Variants in TMEM87A observed in about 807,000 individuals in gnomAD.
TMEM87A encodes transmembrane protein 87A.
TMEM87A carries 50 observed loss-of-function variants against 90.0 expected under a neutral mutation model. That is an observed-to-expected ratio of 0.56 (90% confidence interval 0.44 to 0.70). TMEM87A has a LOEUF of 0.70. Ranked by LOEUF, TMEM87A falls within the 30% of genes least tolerant of loss-of-function variation. The pLI, the probability that TMEM87A is intolerant of heterozygous loss-of-function variation, is 0.00. For missense variants in TMEM87A, 577 were observed against 660.5 expected (o/e 0.87, Z 1.39); for synonymous variants, 226 against 226.7 (o/e 1.00, Z 0.03).
Position 42,249,289 on chromosome 15 carries a change from T to G in TMEM87A, c.505-5122A>C, listed in dbSNP as rs185132899. Among the ~76,000 whole-genome samples the G allele has an allele frequency of 5.6e-4, 86 of 152,348 alleles. No individual in the cohort carries two copies. In the East Asian group the frequency reaches 0.015, roughly 27 times the overall value. On this transcript the variant is annotated intron_variant, in intron 6 of 19. Coordinates refer to ENST00000389834, the MANE Select transcript of TMEM87A (RefSeq NM_015497.5). The stretch of plus-strand genomic sequence containing the variant: ...TTTGTGTCTCTATGTCCATCAGTTC[T>G]GCTCTCATCTTAGTTATTTCTTGTC...
intron 11 of TMEM87A, 54 bp downstream of exon 11, chr15:42,233,159 A>T: frequency 1.4e-6 from 2 of 1,454,608 alleles, no homozygotes; most frequent in South Asian, 1.2e-5. Flanking sequence ...CACTGTCAAG[A>T]TGTAAACAAT....
intron 7 of TMEM87A, among the ~76,000 whole-genome samples, chr15:42,242,299 G>A (rs2050886937): frequency 6.6e-6 from 1 of 152,036 alleles, no homozygotes; most frequent in Non-Finnish European, 1.5e-5. Flanking sequence ...GGTAGTACAT[G>A]GGATCATTGA....
intron 1 of TMEM87A, among the ~76,000 whole-genome samples, chr15:42,272,510 C>T (rs896462457): frequency 1.3e-5 from 2 of 152,290 alleles, no homozygotes; most frequent in Middle Eastern, 3.4e-3. Flanking sequence ...AACAAAAAGG[C>T]CAACGTAGGT....
chr15:42,266,479 G>A (rs2051407278), intron 3 of TMEM87A, among the ~76,000 whole-genome samples: 1 of 150,144 alleles, frequency 6.7e-6, no homozygotes, highest in Non-Finnish European at 1.5e-5. Flanking sequence ...TCGCGCCACT[G>A]CACTCCAGCC....
Position 42,264,123 on chromosome 15 carries a change from C to T in TMEM87A, c.372G>A (p.Leu124=), listed in dbSNP as rs759073940. ...TAAAGAGTTCACTGCAGTTCTGGAA[C>T]AATTTTGATGATGTTTGATATTTCC... ...LSGKYQTSSK[L]FQNCSELFKT... is the part of the protein sequence containing the mutation. Residue 124 remains leucine (L), a synonymous_variant, in exon 4 of 20, where the codon TTG becomes TTA. Transcript: ENST00000389834. 11 of 1,613,622 alleles carry T rather than the reference C, an allele frequency of 6.8e-6. No individual in the cohort carries two copies. The South Asian group carries it at 7.7e-5, about 11-fold the overall frequency.
intron 2 of TMEM87A, among the ~76,000 whole-genome samples, chr15:42,270,527 T>C (rs529794791): frequency 9.3e-5 from 14 of 150,938 alleles, no homozygotes; most frequent in South Asian, 6.3e-4. Context: ...ACCTGGGAGG[T>C]GGAGGTTGCA....
At position 42,267,929 on chromosome 15, in the gene TMEM87A, T is replaced by C. The variant is rs2051437757; in HGVS notation, c.291+18A>G. ...ATCACTAAGGTCCAAAAAAACTCTG[T>C]AATTTTATGTTCCTTACCTTGAAGT... On this transcript the variant is annotated intron_variant, in intron 3 of 19. Coordinates refer to ENST00000389834, the MANE Select transcript of TMEM87A (RefSeq NM_015497.5). 2 of 1,597,718 alleles carry C rather than the reference T, an allele frequency of 1.3e-6. No individual in the cohort carries two copies. The highest frequency in any genetic ancestry group is 2.2e-5 in the South Asian group (2 of 89,002).
chr15:42,271,987 TA>T, intron 2 of TMEM87A, 75 bp downstream of exon 2: 1 of 1,205,994 alleles, frequency 8.3e-7, no homozygotes, highest in South Asian at 1.4e-5. Flanking sequence ...TCAGAACTTA[TA>T]AAATAGGTAA....
intron 10 of TMEM87A, among the ~76,000 whole-genome samples, chr15:42,234,141 A>G (rs1335704163): frequency 6.6e-6 from 1 of 152,204 alleles, no homozygotes; most frequent in African/African-American, 2.4e-5. Context: ...AAAAATTCTA[A>G]CGATTCCTTA....
chr15:42,237,681 G>A, intron 8 of TMEM87A, 66 bp from the exon 9 acceptor site: 3 of 1,222,102 alleles, frequency 2.5e-6, no homozygotes, highest in South Asian at 4.0e-5. Flanking sequence ...TGTAGATTTA[G>A]AATCAATATA....
Position 42,211,346 on chromosome 15 carries a change from G to A in TMEM87A, c.*362C>T, listed in dbSNP as rs189578346. On this transcript the variant is annotated 3_prime_UTR_variant, in exon 20 of 20. Transcript: ENST00000389834. ...CCTGGAGATTACATATTATGGTGTT[G>A]ATGACAATCTTTTAGAAGACGTTAA... The A allele has an allele frequency of 5.6e-6, 1 of 177,970 alleles. No individual in the cohort carries two copies. Among genetic ancestry groups the A allele is most frequent in the Non-Finnish European group, 1.2e-5 (1 of 84,100 alleles). The allele number at this position is 177,970 out of a possible 1,614,324, so 11.0% of individuals were successfully genotyped here.
intron 19 of TMEM87A, among the ~76,000 whole-genome samples, chr15:42,211,997 G>A (rs1348649217): frequency 2.7e-5 from 4 of 148,828 alleles, no homozygotes; most frequent in Non-Finnish European, 4.4e-5. Flanking sequence ...GAAATGTATA[G>A]AGTCAGCTAA....
intron 15 of TMEM87A, among the ~76,000 whole-genome samples, chr15:42,225,704 G>A (rs1245036742): frequency 1.3e-5 from 2 of 152,210 alleles, no homozygotes; most frequent in Middle Eastern, 3.4e-3. Context: ...GTTAATTTTT[G>A]TATTTTTAGT....
At chr15:42,240,872 C>A (rs1388734058) in intron 7 of TMEM87A, among the ~76,000 whole-genome samples, 1 of 152,186 alleles carries the variant, frequency 6.6e-6, no homozygotes, top group African/African-American at 2.4e-5. Flanking sequence ...TAAATCTATA[C>A]CTTCCTAATT....
intron 15 of TMEM87A, among the ~76,000 whole-genome samples, chr15:42,226,309 G>C (rs2050591461): frequency 6.7e-6 from 1 of 148,526 alleles, no homozygotes; most frequent in Admixed American, 6.6e-5. Context: ...CCCTGTGTCG[G>C]TATTTTTTTT....
In TMEM87A at chr15:42,268,105, T is replaced by C. The variant is rs191355939; in HGVS notation, c.206-73A>G. On this transcript the variant is annotated intron_variant, in intron 2 of 19. Coordinates refer to ENST00000389834, the MANE Select transcript of TMEM87A (RefSeq NM_015497.5). ...GCATTTTTCCTAAGCTGTTAACCTA[T>C]ATCCTATTCATTTCGTACCCTAAAC... The C allele has an allele frequency of 3.8e-6, 5 of 1,299,226 alleles. No homozygotes were observed. In the Admixed American group the frequency reaches 7.3e-5, roughly 19 times the overall value. 80.5% of individuals were successfully genotyped at this position (1,299,226 alleles called of 1,614,324 possible).
At position 42,226,828 on chromosome 15, in the gene TMEM87A, G is replaced by A. The variant is rs1220953704; in HGVS notation, c.1381C>T (p.Arg461Ter). ...MILFVIMVLWRPSANNQRFAF... is the reference protein window; with the variant it reads ...MILFVIMVLW ...AACCTCTGGTTGTTTGCAGATGGTC[G>A]CCAGAGAACCATGATGACAAAGAGG... Residue 461 changes from arginine to a stop codon, truncating the protein, a stop_gained, in exon 15 of 20, where the codon CGA (arginine) becomes TGA (stop). Transcript: ENST00000389834. LOFTEE classifies it high-confidence loss of function. 4 of 1,613,906 alleles carry A rather than the reference G, an allele frequency of 2.5e-6. No homozygotes were observed. The highest frequency in any genetic ancestry group is 1.7e-5 in the Admixed American group (1 of 60,002).
At position 42,244,084 on chromosome 15, in the gene TMEM87A, T is replaced by C. The variant is rs760732512; in HGVS notation, c.588A>G (p.Ser196=). The C allele has an allele frequency of 1.3e-6, 2 of 1,573,650 alleles. No individual in the cohort carries two copies. Among genetic ancestry groups the C allele is most frequent in the Non-Finnish European group, 1.7e-6 (2 of 1,167,926 alleles). ...VHIGISSSKE[S]SKENSLSNLF... ...GATTACTCAGTGAATTTTCTTTTGA[T>C]GATTCCTTTGAGGATGAAATGCCAA... Residue 196 remains serine, a synonymous_variant, in exon 7 of 20, where the codon TCA becomes TCG. Coordinates refer to ENST00000389834, the MANE Select transcript of TMEM87A (RefSeq NM_015497.5).
chr15:42,258,270 T>C, intron 6 of TMEM87A: 4 of 743,700 alleles, frequency 5.4e-6, no homozygotes, highest in South Asian at 6.0e-5. Context: ...ATTCCCTTTT[T>C]AAAATAATAT....
Sources: gnomAD v4.1 joint callset for allele counts (sites outside exome capture counted in the v4.1 genomes callset) on GRCh38, gnomAD v4.1.1 for gene constraint, MANE v1.5 for transcripts, NCBI Gene and HGNC (gene_info 2026-07-23, HGNC 2026-07-21) for gene names.